The following BNC2 variants were observed in gnomAD, a reference collection of about 807,000 sequenced individuals.
BNC2 encodes the protein zinc finger protein basonuclin-2.
BNC2 carries 20 observed loss-of-function variants against 76.3 expected under a neutral mutation model. The observed-to-expected ratio is 0.26, with a 90% confidence interval of 0.18 to 0.38. The LOEUF (loss-of-function observed/expected upper bound fraction) is 0.38. BNC2 is among the 10% of genes least tolerant of loss of function. The pLI is 1.00. For synonymous variants in BNC2, 582 were observed against 514.8 expected (o/e 1.13, Z -1.77); for missense variants, 1,382 against 1,399.8 (o/e 0.99, Z 0.20).
intron 1 of BNC2, among the ~76,000 whole-genome samples, chr9:16,774,523 T>C (rs2135487849): frequency 6.6e-6 from 1 of 152,364 alleles, no homozygotes. Context: ...ATTTGGAATA[T>C]CTATGATTTC....
At position 16,800,118 on chromosome 9, in the gene BNC2, G is replaced by A. The variant is rs1216920031; in HGVS notation, c.4-61633C>T. On this transcript the variant is annotated intron_variant, in intron 1 of 6. Coordinates refer to ENST00000380672, the MANE Select transcript of BNC2 (RefSeq NM_017637.6). ...CAGGCGCCTGTAGTCCCAGCTACTC[G>A]GGAGGCTAAGGCAGGAGAATCACTT... Among the ~76,000 whole-genome samples, 4 of 151,910 alleles carry A rather than the reference G, an allele frequency of 2.6e-5. No individual in the cohort carries two copies. The South Asian group carries it at 6.2e-4, about 24-fold the overall frequency.
rs189428847 is a variant in BNC2, at chr9:16,591,981, A to T, written c.331-8896T>A. 2.2e-4 allele frequency among the ~76,000 whole-genome samples: 34 copies of T among 152,230 alleles called. No homozygotes were observed. In the East Asian group the frequency reaches 5.4e-3, roughly 24 times the overall value. ...AACGAAAAAACACATTAGATCTTATAACTGAGACAGGAGATTCGCAAGAGC... is the reference window on the plus strand; with the variant it reads ...AACGAAAAAACACATTAGATCTTATTACTGAGACAGGAGATTCGCAAGAGC... On this transcript the variant is annotated intron_variant, in intron 3 of 6. Transcript: ENST00000380672.
At chr9:16,679,729 G>C (rs1359958116) in intron 3 of BNC2, among the ~76,000 whole-genome samples, 2 of 152,222 alleles carry the variant, frequency 1.3e-5, no homozygotes, top group Non-Finnish European at 2.9e-5. Flanking sequence ...AGTAACCATG[G>C]AGAGGAAAAG....
intron 5 of BNC2, 93 bp downstream of exon 5, chr9:16,552,437 T>C: frequency 9.7e-7 from 1 of 1,030,374 alleles, no homozygotes; most frequent in Non-Finnish European, 1.5e-6. Context: ...GAGGAGGGTG[T>C]GCAGCCCTTC....
chr9:16,492,198 G>T (rs1448464358), intron 5 of BNC2, among the ~76,000 whole-genome samples: 1 of 151,616 alleles, frequency 6.6e-6, no homozygotes, highest in Non-Finnish European at 1.5e-5. Context: ...GTGTGGGCAA[G>T]ACAAATGCAA....
chr9:16,525,692 G>A (rs1219027467), intron 5 of BNC2, among the ~76,000 whole-genome samples: 1 of 152,200 alleles, frequency 6.6e-6, no homozygotes, highest in African/African-American at 2.4e-5. Flanking sequence ...AGCTCTTTAT[G>A]TGCTGATATG....
chr9:16,730,507 T>A (rs931982056), intron 2 of BNC2, among the ~76,000 whole-genome samples: 1 of 152,232 alleles, frequency 6.6e-6, no homozygotes. Context: ...AGAAGCAGTT[T>A]ATTAAGACAC....
intron 5 of BNC2, among the ~76,000 whole-genome samples, chr9:16,463,959 G>C (rs749067125): frequency 8.6e-5 from 13 of 151,822 alleles, no homozygotes; most frequent in African/African-American, 3.1e-4. Context: ...GGCCAGGCTT[G>C]GTGGTGCACA....
At chr9:16,596,834 A>T (rs1457097685) in intron 3 of BNC2, among the ~76,000 whole-genome samples, 2 of 152,140 alleles carry the variant, frequency 1.3e-5, no homozygotes, top group Non-Finnish European at 2.9e-5. Flanking sequence ...TTTAAAAAAT[A>T]AGCCTATCTA....
chr9:16,715,029 C>A (rs1461194254), intron 3 of BNC2, among the ~76,000 whole-genome samples: 2 of 152,180 alleles, frequency 1.3e-5, no homozygotes, highest in Non-Finnish European at 2.9e-5. Flanking sequence ...CCATCTCCTC[C>A]TTGTGACATC....
intron 3 of BNC2, among the ~76,000 whole-genome samples, chr9:16,648,138 G>A (rs550345546): frequency 6.6e-6 from 1 of 152,182 alleles, no homozygotes; most frequent in Admixed American, 6.5e-5. Context: ...ACAAACATGG[G>A]CAAACATAAA....
intron 5 of BNC2, among the ~76,000 whole-genome samples, chr9:16,529,537 CT>C (rs1817913657): frequency 1.3e-5 from 2 of 151,996 alleles, no homozygotes; most frequent in South Asian, 4.1e-4. Context: ...TAAAAGGAAG[CT>C]TTGATATATT....
At chr9:16,779,476 C>G (rs73646251) in intron 1 of BNC2, among the ~76,000 whole-genome samples, 6,143 of 152,132 alleles carry the variant, frequency 0.04, 382 homozygotes, top group African/African-American at 0.14. Flanking sequence ...TATACCTTAA[C>G]GACTAACAAG....
intron 6 of BNC2, chr9:16,434,808 T>C: frequency 8.8e-6 from 4 of 456,098 alleles, no homozygotes; most frequent in South Asian, 6.2e-5. Context: ...ATCCTCAAAG[T>C]ATATGCATGC....
At chr9:16,711,772 T>G (rs1304921096) in intron 3 of BNC2, among the ~76,000 whole-genome samples, 1 of 152,214 alleles carries the variant, frequency 6.6e-6, no homozygotes. Flanking sequence ...TAAGAAACAA[T>G]GAATACATGC....
intron 5 of BNC2, among the ~76,000 whole-genome samples, chr9:16,514,899 T>C (rs1332015568): frequency 1.3e-5 from 2 of 152,340 alleles, no homozygotes; most frequent in South Asian, 2.1e-4. Context: ...CAGATCATCT[T>C]GATTTTAAAA....
chr9:16,661,360 G>T (rs1033127604), intron 3 of BNC2, among the ~76,000 whole-genome samples: 3 of 152,162 alleles, frequency 2.0e-5, no homozygotes, highest in Non-Finnish European at 4.4e-5. Context: ...AAAACAGCAT[G>T]TACCACCTGC....
chr9:16,621,181 G>C (rs1286074955), intron 3 of BNC2, among the ~76,000 whole-genome samples: 1 of 152,170 alleles, frequency 6.6e-6, no homozygotes, highest in Non-Finnish European at 1.5e-5. Flanking sequence ...CTATCTTGAG[G>C]ATCTGGAGAG....
intron 3 of BNC2, among the ~76,000 whole-genome samples, chr9:16,594,127 C>A (rs1264699204): frequency 1.3e-5 from 2 of 152,056 alleles, no homozygotes; most frequent in African/African-American, 2.4e-5. Flanking sequence ...GACTTATAAA[C>A]CTTTAAGCAC....
Sources: allele counts gnomAD v4.1 joint callset (sites outside exome capture counted in the v4.1 genomes callset), GRCh38; gene constraint gnomAD v4.1.1; transcripts MANE v1.5; gene names NCBI Gene and HGNC (gene_info 2026-07-23, HGNC 2026-07-21).